NUP93: variants seen among roughly 807,000 people sequenced by gnomAD.
NUP93 encodes nucleoporin 93, also known as nuclear pore complex protein Nup93.
In NUP93, 55 loss-of-function variants were observed where a neutral mutation model predicts 107.8. That is an observed-to-expected ratio of 0.51 (90% CI 0.41 to 0.64). NUP93 has a LOEUF of 0.64. Among genes scored for constraint, NUP93 ranks in the 30% least tolerant of loss-of-function variants. The probability of loss-of-function intolerance (pLI) is 0.00; values close to 1 mark genes in which losing one functional copy is unlikely to be tolerated. For missense variants in NUP93, 937 were observed against 1,044.7 expected, an observed-to-expected ratio of 0.90 and a Z score of 1.42; for synonymous variants, 390 against 397.5, an observed-to-expected ratio of 0.98 and a Z score of 0.22.
intron 3 of NUP93, among the ~76,000 whole-genome samples, chr16:56,794,873 A>C (rs1962857007): frequency 7.4e-6 from 1 of 135,650 alleles, no homozygotes; most frequent in African/African-American, 2.8e-5. Context: ...GCTTGCAGTG[A>C]GCCGAGATCG....
At position 56,833,295 on chromosome 16, in the gene NUP93, G is replaced by A. The variant is rs769810971; in HGVS notation, c.1426G>A (p.Val476Ile). ...LFLTAQFEAAVAFLFRMERLR... is the reference protein window; with the variant it reads ...LFLTAQFEAAIAFLFRMERLR... ...CCTGACAGCGCAGTTTGAAGCAGCAGTTGCCTTTCTTTTCCGCATGGAGCG... is the reference window on the plus strand; with the variant it reads ...CCTGACAGCGCAGTTTGAAGCAGCAATTGCCTTTCTTTTCCGCATGGAGCG... Residue 476 changes from valine (V) to isoleucine (I), a missense_variant, in exon 13 of 22, where the codon GTT becomes ATT. Physicochemically the swap from Val to Ile is conservative, Grantham distance 29. Transcript: ENST00000308159. 5 of 1,607,242 alleles carry A rather than the reference G, an allele frequency of 3.1e-6. No individual in the cohort carries two copies. The South Asian group carries it at 5.6e-5, about 18-fold the overall frequency.
intron 1 of NUP93, among the ~76,000 whole-genome samples, chr16:56,730,588 C>T (rs1386483903): frequency 6.6e-6 from 1 of 152,206 alleles, no homozygotes; most frequent in Non-Finnish European, 1.5e-5. Context: ...ACCTTCCTGA[C>T]CGTGCCCTGC....
chr16:56,789,280 A>G (rs1434581032), intron 3 of NUP93, among the ~76,000 whole-genome samples: 1 of 152,220 alleles, frequency 6.6e-6, no homozygotes, highest in East Asian at 1.9e-4. Flanking sequence ...CAGGTTTTGA[A>G]TCACCTTATG....
intron 16 of NUP93, among the ~76,000 whole-genome samples, chr16:56,835,990 G>A (rs962674945): frequency 6.6e-6 from 1 of 152,026 alleles, no homozygotes; most frequent in Non-Finnish European, 1.5e-5. Context: ...TTAGCCAGGC[G>A]TGGTGGTGGG....
chr16:56,734,193 G>A (rs998297612), intron 1 of NUP93, among the ~76,000 whole-genome samples: 3 of 152,324 alleles, frequency 2.0e-5, no homozygotes, highest in South Asian at 2.1e-4. Flanking sequence ...TAGAGTGGAC[G>A]GTGGGGCTGC....
intron 8 of NUP93, among the ~76,000 whole-genome samples, chr16:56,824,496 AG>A (rs1278057664): frequency 1.3e-5 from 2 of 152,158 alleles, no homozygotes; most frequent in Non-Finnish European, 2.9e-5. Flanking sequence ...ATTGGCCAGC[AG>A]GGGTTGTCAT....
chr16:56,836,579 C>A lies in NUP93; in HGVS notation c.1783-22C>A, dbSNP rs1963916401. 3 of 1,394,744 alleles carry A rather than the reference C, an allele frequency of 2.2e-6. No homozygotes were observed. In the African/African-American group the frequency reaches 4.2e-5, roughly 20 times the overall value. 86.4% of individuals were successfully genotyped at this position (1,394,744 alleles called of 1,614,324 possible). ...GTGCACCCGTCTCTCTCTTCCTCCC[C>A]CTCCATAATTTGTCTTGTCAGCCTG... On this transcript the variant is annotated intron_variant, in intron 16 of 21. Coordinates refer to ENST00000308159, the MANE Select transcript of NUP93 (RefSeq NM_014669.5).
chr16:56,801,019 A>T (rs190184884), intron 4 of NUP93, among the ~76,000 whole-genome samples: 2 of 152,106 alleles, frequency 1.3e-5, no homozygotes, highest in Non-Finnish European at 2.9e-5. Flanking sequence ...ATTTATAATA[A>T]TTTCTCCACT....
intron 3 of NUP93, among the ~76,000 whole-genome samples, chr16:56,778,422 A>G (rs1187773902): frequency 6.6e-6 from 1 of 152,126 alleles, no homozygotes; most frequent in Admixed American, 6.6e-5. Flanking sequence ...GTAAATATTG[A>G]GCAGAAAGGA....
chr16:56,768,395 C>T (rs1460053042), intron 3 of NUP93, among the ~76,000 whole-genome samples: 1 of 151,876 alleles, frequency 6.6e-6, no homozygotes, highest in Non-Finnish European at 1.5e-5. Flanking sequence ...GAAACCCTAT[C>T]TCTACTAAAA....
At chr16:56,825,071 T>C (rs1476118535) in intron 8 of NUP93, among the ~76,000 whole-genome samples, 2 of 152,048 alleles carry the variant, frequency 1.3e-5, no homozygotes, top group East Asian at 3.9e-4. Flanking sequence ...ATTTTTTTTT[T>C]TTTGTAAGAC....
intron 2 of NUP93, among the ~76,000 whole-genome samples, chr16:56,753,887 A>C (rs748025188): frequency 6.6e-6 from 1 of 152,302 alleles, no homozygotes; most frequent in East Asian, 1.9e-4. Flanking sequence ...AGAGAAAAAT[A>C]GGTAGGGATG....
At chr16:56,771,938 G>A (rs996893823) in intron 3 of NUP93, among the ~76,000 whole-genome samples, 7 of 152,108 alleles carry the variant, frequency 4.6e-5, no homozygotes, top group Non-Finnish European at 8.8e-5. Flanking sequence ...AAGATTTTTT[G>A]GTTTTGTTTT....
chr16:56,834,409 CTG>C lies in NUP93; in HGVS notation c.1709_1710del (p.Val570GlufsTer2). On this transcript the variant is annotated frameshift_variant, in exon 15 of 22. Coordinates refer to ENST00000308159, the MANE Select transcript of NUP93 (RefSeq NM_014669.5). LOFTEE classifies it high-confidence loss of function. Reference protein sequence around the residue: ...DSQGENMFLRCVSELVIESRE... With the variant: ...DSQGENMFLRXVSELVIESRE... Reference sequence around the variant, plus strand: ...GTCAAGGAGAAAACATGTTTCTGCGCTGTGTGAGTGAGCTTGTGATTGAAAGC... The same window carrying C: ...GTCAAGGAGAAAACATGTTTCTGCGCTGTGAGTGAGCTTGTGATTGAAAGC... 1 of 1,614,208 alleles carries C rather than the reference CTG, an allele frequency of 6.2e-7. No individual in the cohort carries two copies. Among genetic ancestry groups the C allele is most frequent in the Non-Finnish European group, 8.5e-7 (1 of 1,180,036 alleles).
chr16:56,755,600 G>A (rs1364795860), intron 2 of NUP93, among the ~76,000 whole-genome samples: 1 of 152,130 alleles, frequency 6.6e-6, no homozygotes, highest in Non-Finnish European at 1.5e-5. Flanking sequence ...TGTAGGCCAG[G>A]CATGGTCGCT....
Position 56,758,659 on chromosome 16 carries a change from A to G in NUP93, c.297+4A>G. On this transcript the variant is annotated splice_donor_region_variant and intron_variant, in intron 3 of 21. Transcript: ENST00000308159. ...TGTGAAGGACACTGACATTCAGGTA[A>G]GGGCTGCCAAGTGCAGGTGGAACCC... The G allele has an allele frequency of 1.9e-6, 3 of 1,607,024 alleles. No homozygotes were observed. The Middle Eastern group carries it at 5.0e-4, about 266-fold the overall frequency.
At chr16:56,766,196 G>A (rs1962213290) in intron 3 of NUP93, among the ~76,000 whole-genome samples, 1 of 152,206 alleles carries the variant, frequency 6.6e-6, no homozygotes, top group South Asian at 2.1e-4. Context: ...ATATCCTGTA[G>A]TGAGCAAGAG....
At chr16:56,817,962 A>G (rs1016345802) in intron 5 of NUP93, among the ~76,000 whole-genome samples, 2 of 152,172 alleles carry the variant, frequency 1.3e-5, no homozygotes, top group African/African-American at 4.8e-5. Flanking sequence ...CTCAGAACCT[A>G]TCCTATTTTT....
At chr16:56,764,340 A>C (rs529519861) in intron 3 of NUP93, among the ~76,000 whole-genome samples, 177 of 152,190 alleles carry the variant, frequency 1.2e-3, no homozygotes, top group Non-Finnish European at 2.0e-3. Context: ...AAATACAAAA[A>C]TTAGCCGGAC....
Sources: allele counts gnomAD v4.1 joint callset (sites outside exome capture counted in the v4.1 genomes callset), GRCh38; gene constraint gnomAD v4.1.1; transcripts MANE v1.5; gene names NCBI Gene and HGNC (gene_info 2026-07-23, HGNC 2026-07-21).